DST: variants seen among roughly 807,000 people sequenced by gnomAD.
The protein encoded by DST is bullous pemphigoid antigen.
Under a neutral mutation model 875.2 loss-of-function variants are expected in DST, and 253 were observed. The observed-to-expected ratio is 0.29, with a 90% CI of 0.26 to 0.32. DST has a LOEUF of 0.32. DST is among the 10% of genes least tolerant of loss of function. DST has a pLI of 1.00. For missense variants in DST, 8,287 were observed against 9,111.6 expected (o/e 0.91, Z 3.68); for synonymous variants, 3,124 against 3,197.1 (o/e 0.98, Z 0.77).
intron 2 of DST, among the ~76,000 whole-genome samples, chr6:56,935,015 T>C (rs187724285): frequency 2.0e-5 from 3 of 152,286 alleles, no homozygotes; most frequent in African/African-American, 7.2e-5. Flanking sequence ...ACCCTATCAA[T>C]TGGCAGTATC....
chr6:56,737,001 C>T (rs562704147), intron 4 of DST, among the ~76,000 whole-genome samples: 8 of 89,604 alleles, frequency 8.9e-5, no homozygotes, highest in African/African-American at 6.1e-4. Flanking sequence ...TGATGAAATC[C>T]GGGGCAACAT....
chr6:56,486,362 C>CAAAAAAAA (rs61164880), intron 87 of DST, among the ~76,000 whole-genome samples: 1 of 34,038 alleles, frequency 2.9e-5, no homozygotes, highest in African/African-American at 1.0e-4. Context: ...GACTCCGTCT[C>CAAAAAAAA]AAAAAAAAAA....
chr6:56,834,924 T>C (rs1453366723), intron 4 of DST, among the ~76,000 whole-genome samples: 3 of 152,196 alleles, frequency 2.0e-5, no homozygotes. Flanking sequence ...TATTCATAAC[T>C]GTCAACCCTT....
chr6:56,639,056 G>C (rs137977705), intron 22 of DST: 1 of 610,544 alleles, frequency 1.6e-6, no homozygotes, highest in Non-Finnish European at 2.9e-6. Context: ...GGCTGACAAG[G>C]GTACTTTTAT....
At chr6:56,463,427 T>G (rs1333902490) in intron 101 of DST, 138 bp downstream of exon 101, 2 of 877,328 alleles carry the variant, frequency 2.3e-6, no homozygotes, top group Non-Finnish European at 3.3e-6. Flanking sequence ...AAAATTCCTG[T>G]ATTTCCCACA....
In DST at chr6:56,557,315, T is replaced by G. The variant is rs746427730; in HGVS notation, c.14640+4A>C. 3 of 1,611,040 alleles carry G rather than the reference T, an allele frequency of 1.9e-6. No homozygotes were observed. The South Asian group carries it at 3.3e-5, about 18-fold the overall frequency. On this transcript the variant is annotated splice_donor_region_variant and intron_variant, in intron 59 of 103. Transcript: ENST00000680361. Reference sequence around the variant, plus strand: ...CGAGAGACAGGTTATTAGGTAATACTCACCTGCACCTGCTGCCTTTGTGTG... The same window carrying G: ...CGAGAGACAGGTTATTAGGTAATACGCACCTGCACCTGCTGCCTTTGTGTG...
intron 3 of DST, among the ~76,000 whole-genome samples, chr6:56,894,946 T>C (rs1317961057): frequency 1.1e-4 from 7 of 63,930 alleles, no homozygotes; most frequent in African/African-American, 3.8e-4. Flanking sequence ...GAGGCGCCCC[T>C]CACCTCCCGG....
At position 56,578,837 on chromosome 6, in the gene DST, T is replaced by A. The variant is rs768473686; in HGVS notation, c.13004A>T (p.Lys4335Met). 1.2e-6 allele frequency: 2 copies of A among 1,612,198 alleles called. No homozygotes were observed. Among genetic ancestry groups the A allele is most frequent in the Non-Finnish European group, 1.7e-6 (2 of 1,179,198 alleles). The change falls in exon 50 of 104, where the codon AAG (lysine) becomes ATG (methionine). Residue 4335 changes from lysine to methionine, a missense_variant. By Grantham distance (95) the Lys-to-Met change is moderately conservative. This residue lies in a region of DST where 1,513 missense variants were observed against 1,677.8 expected (regional missense o/e 0.90). Coordinates refer to ENST00000680361, the MANE Select transcript of DST (RefSeq NM_001374736.1). ...LDARGSLLPA[K>M]NDIQKTLDDI... ...ACCAAGTGTTTTCTGGATATCATTC[T>A]TGGCTGGAAGTAAAGATCCCCTGGC...
intron 4 of DST, among the ~76,000 whole-genome samples, chr6:56,756,697 A>T (rs1275668367): frequency 1.3e-5 from 2 of 152,198 alleles, no homozygotes; most frequent in Admixed American, 6.5e-5. Flanking sequence ...CAGAACAAAG[A>T]TCAGAGGAGA....
chr6:56,859,909 TCC>T (rs1770096206), intron 3 of DST, among the ~76,000 whole-genome samples: 1 of 152,158 alleles, frequency 6.6e-6, no homozygotes, highest in Admixed American at 6.6e-5. Flanking sequence ...GCCTCCGCAG[TCC>T]CTTCAGAAGC....
chr6:56,633,233 C>CTTTTTTT (rs61647189), intron 27 of DST, among the ~76,000 whole-genome samples, 196 bp from the exon 28 acceptor site: 22 of 138,716 alleles, frequency 1.6e-4, no homozygotes, highest in African/African-American at 4.9e-4. Context: ...GAGTTTCACT[C>CTTTTTTT]TTTTTTTTTT....
intron 49 of DST, among the ~76,000 whole-genome samples, chr6:56,581,347 T>C (rs1585501602): frequency 1.3e-5 from 2 of 151,858 alleles, no homozygotes; most frequent in East Asian, 1.9e-4. Flanking sequence ...AAAGAACACA[T>C]GTAATTGATG....
At chr6:56,565,320 C>T (rs537558610) in intron 55 of DST, among the ~76,000 whole-genome samples, 2 of 152,012 alleles carry the variant, frequency 1.3e-5, no homozygotes, top group African/African-American at 2.4e-5. Context: ...GGGGTTTCAC[C>T]GTGTTAACCA....
At chr6:56,934,738 T>C (rs1161081251) in intron 2 of DST, among the ~76,000 whole-genome samples, 6 of 150,746 alleles carry the variant, frequency 4.0e-5, no homozygotes, top group Admixed American at 1.3e-4. Flanking sequence ...ACATTAAGGA[T>C]GCCTCTAGGC....
At position 56,594,172 on chromosome 6, in the gene DST, A is replaced by C; in HGVS notation, c.12217T>G (p.Ser4073Ala). Residue 4073 changes from serine (S) to alanine (A), a missense_variant, in exon 48 of 104, where the codon TCT becomes GCT. Ser to Ala is a moderately conservative substitution (Grantham distance 99). This residue lies in a region of DST where 1,513 missense variants were observed against 1,677.8 expected (regional missense o/e 0.90). Coordinates refer to ENST00000680361, the MANE Select transcript of DST (RefSeq NM_001374736.1). ...GCTATGATCACTGCTTGGTGCTGAG[A>C]GATGATCTTCTCGTGTTGGGCCTAT... Reference protein sequence around the residue: ...KVKAQHEKIISQHQAVIIATQ... With the variant: ...KVKAQHEKIIAQHQAVIIATQ... 1 of 1,535,518 alleles carries C rather than the reference A, an allele frequency of 6.5e-7. No individual in the cohort carries two copies. Among genetic ancestry groups the C allele is most frequent in the Non-Finnish European group, 8.7e-7 (1 of 1,147,060 alleles).
intron 37 of DST, 55 bp from the exon 38 acceptor site, chr6:56,611,651 T>C (rs1482514959): frequency 2.6e-6 from 3 of 1,160,890 alleles, no homozygotes; most frequent in South Asian, 1.4e-5. Flanking sequence ...GTAAACAGTA[T>C]TTTTTTTAAA....
intron 103 of DST, among the ~76,000 whole-genome samples, chr6:56,459,577 A>G (rs2094216127): frequency 1.3e-5 from 2 of 152,236 alleles, no homozygotes; most frequent in African/African-American, 4.8e-5. Context: ...TGTGCTTTCT[A>G]AAGTTTAAAT....
At chr6:56,514,479 C>T (rs2096548089) in intron 72 of DST, among the ~76,000 whole-genome samples, 1 of 152,000 alleles carries the variant, frequency 6.6e-6, no homozygotes, top group Non-Finnish European at 1.5e-5. Context: ...AACAAGATGT[C>T]ACATATTCCA....
intron 9 of DST, chr6:56,692,558 T>C: frequency 3.9e-6 from 5 of 1,289,806 alleles, no homozygotes; most frequent in Non-Finnish European, 5.1e-6. Context: ...AACCCACTTT[T>C]TTCGAGTGAT....
Sources: gnomAD v4.1 joint callset for allele counts (sites outside exome capture counted in the v4.1 genomes callset) on GRCh38, gnomAD v4.1.1 for gene constraint, gnomAD v4.1.1 regional missense constraint, MANE v1.5 for transcripts, NCBI Gene and HGNC (gene_info 2026-07-23, HGNC 2026-07-21) for gene names.